PCDHGB3: variants seen among roughly 807,000 people sequenced by gnomAD.
The protein encoded by PCDHGB3 is protocadherin gamma-B3.
A neutral mutation model predicts 59.2 loss-of-function variants in PCDHGB3; 40 were observed. The ratio of observed to expected loss-of-function variants is 0.68; its 90% CI spans 0.52 to 0.88. PCDHGB3 has a LOEUF of 0.88. PCDHGB3 is among the 40% of genes least tolerant of loss of function. PCDHGB3 has a pLI of 0.00. For missense variants in PCDHGB3, 1,309 were observed against 1,187.9 expected (o/e 1.10, Z -1.50); for synonymous variants, 581 against 503.6 (o/e 1.15, Z -2.06).
Position 141,512,089 on chromosome 5 carries a change from T to C in PCDHGB3, c.*916T>C, listed in dbSNP as rs1292597067. 6.6e-6 allele frequency: 1 copy of C among 152,606 alleles called. No individual in the cohort carries two copies. Among genetic ancestry groups the C allele is most frequent in the Non-Finnish European group, 1.5e-5 (1 of 68,068 alleles). 9.5% of individuals were successfully genotyped at this position (152,606 alleles called of 1,614,324 possible). A position where few individuals can be genotyped will look rare whatever the true frequency, so the allele number is the denominator to read the frequency against. ...CCTCCAGATTCCAGCCATAAACCAA[T>C]AACTAGGCTGGACCCTTCCCACTAC... On this transcript the variant is annotated 3_prime_UTR_variant, in exon 4 of 4. Coordinates refer to ENST00000576222, the MANE Select transcript of PCDHGB3 (RefSeq NM_018924.5).
At chr5:141,376,418 C>T (rs1354597104) in intron 1 of PCDHGB3, 1 of 1,614,112 alleles carries the variant, frequency 6.2e-7, no homozygotes, top group Admixed American at 1.7e-5. Flanking sequence ...TGCCGACACG[C>T]TTATCAACCA....
chr5:141,456,157 A>G (rs1307977690), intron 1 of PCDHGB3, among the ~76,000 whole-genome samples: 3 of 152,052 alleles, frequency 2.0e-5, no homozygotes, highest in Admixed American at 1.3e-4. Context: ...TCGGCCTCCT[A>G]AAGTGCTGGG....
chr5:141,478,418 C>T, intron 1 of PCDHGB3: 1 of 1,613,650 alleles, frequency 6.2e-7, no homozygotes, highest in Non-Finnish European at 8.5e-7. Context: ...GGACTCCCGC[C>T]GCAGCGACCC....
chr5:141,385,482 A>G, intron 1 of PCDHGB3: 3 of 1,423,440 alleles, frequency 2.1e-6, no homozygotes, highest in South Asian at 1.6e-5. Context: ...TTTAATATAG[A>G]ACACATAGGA....
chr5:141,420,156 A>T lies in PCDHGB3; in HGVS notation c.2415+47347A>T, dbSNP rs1406451882. ...GGGGATCAAATGAATCCAGAATTTA[A>T]TTTTTTCACATCTGTTGATCATTGT... On this transcript the variant is annotated intron_variant, in intron 1 of 3. Coordinates refer to ENST00000576222, the MANE Select transcript of PCDHGB3 (RefSeq NM_018924.5). The T allele has an allele frequency of 1.4e-5, 22 of 1,613,872 alleles. No individual in the cohort carries two copies. Among genetic ancestry groups the T allele is most frequent in the Middle Eastern group, 3.3e-4 (2 of 6,084 alleles).
chr5:141,376,217 CT>C (rs1370033371), intron 1 of PCDHGB3: 2 of 1,614,210 alleles, frequency 1.2e-6, no homozygotes, highest in East Asian at 4.5e-5. Flanking sequence ...CATCGTGCTG[CT>C]GGCGCTCAGA....
At chr5:141,414,161 GA>G (rs1351073953) in intron 1 of PCDHGB3, 1 of 1,603,276 alleles carries the variant, frequency 6.2e-7, no homozygotes, top group Admixed American at 1.7e-5. Context: ...GAAGATGGAG[GA>G]GCATATCTTG....
intron 1 of PCDHGB3, among the ~76,000 whole-genome samples, chr5:141,444,466 C>T (rs539222916): frequency 7.9e-5 from 12 of 152,100 alleles, no homozygotes; most frequent in East Asian, 1.9e-4. Context: ...TCACTGCGCC[C>T]GGTCGCGTAC....
At position 141,477,795 on chromosome 5, in the gene PCDHGB3, G is replaced by T. The variant is rs778851755; in HGVS notation, c.2416-17012G>T. The T allele has an allele frequency of 1.2e-5, 19 of 1,613,946 alleles. 1 individual carries two copies. In the South Asian group the frequency reaches 1.6e-4, roughly 14 times the overall value. On this transcript the variant is annotated intron_variant, in intron 1 of 3. Transcript: ENST00000576222. The surrounding 1 kb of genome is among the most constrained non-coding windows in gnomAD (Gnocchi z 4.9). ...AGCGTGAACATATTTGTCACTGATC[G>T]CAATGACAATGCCCCCCAGGTCCTA...
chr5:141,372,515 G>A lies in PCDHGB3; in HGVS notation c.2121G>A (p.Val707=), dbSNP rs1768826871. ...ALISVLFLLA[V]ILAISLRLRC... The stretch of plus-strand genomic sequence containing the variant: ...TCTCAGTGCTCTTCCTCCTCGCGGT[G>A]ATTCTGGCAATCTCCCTGCGCCTGC... The change falls in exon 1 of 4, where the codon GTG becomes GTA. Residue 707 remains valine (V), a synonymous_variant. Transcript: ENST00000576222. The A allele has an allele frequency of 1.2e-6, 2 of 1,614,050 alleles. No individual in the cohort carries two copies. The highest frequency in any genetic ancestry group is 1.7e-5 in the Admixed American group (1 of 60,034).
chr5:141,390,111 G>C (rs2092051894), intron 1 of PCDHGB3: 5 of 1,614,054 alleles, frequency 3.1e-6, no homozygotes, highest in Non-Finnish European at 4.2e-6. Flanking sequence ...CAACTACAGC[G>C]AGGGGACTTT....
In PCDHGB3 at chr5:141,491,357, T is replaced by C; in HGVS notation, c.2416-3450T>C. 6.2e-7 allele frequency: 1 copy of C among 1,614,144 alleles called. No homozygotes were observed. Among genetic ancestry groups the C allele is most frequent in the South Asian group, 1.1e-5 (1 of 91,080 alleles). On this transcript the variant is annotated intron_variant, in intron 1 of 3. Transcript: ENST00000576222. This position sits in a 1 kb window ranked among gnomAD's most constrained non-coding sequence, Gnocchi z 6.9. ...CTAGCGACCGTCAGTCTCTTATCCCTAGTCACCTTCACCTTTCTGTCAGCG... is the reference window on the plus strand; with the variant it reads ...CTAGCGACCGTCAGTCTCTTATCCCCAGTCACCTTCACCTTTCTGTCAGCG...
intron 1 of PCDHGB3, chr5:141,374,640 C>G: frequency 6.2e-7 from 1 of 1,612,778 alleles, no homozygotes; most frequent in African/African-American, 1.3e-5. Flanking sequence ...CAAAGCGAAG[C>G]CCATGGGCCC....
intron 1 of PCDHGB3, chr5:141,387,617 T>C (rs1169967462): frequency 3.5e-6 from 2 of 570,390 alleles, no homozygotes; most frequent in African/African-American, 3.8e-5. Context: ...AGTTTCCTAG[T>C]GCTGACTCTG....
At chr5:141,505,306 T>C in intron 2 of PCDHGB3, 87 bp from the exon 3 acceptor site, 4 of 1,596,550 alleles carry the variant, frequency 2.5e-6, no homozygotes, top group Non-Finnish European at 3.4e-6. Context: ...GTTAGGGTAC[T>C]AGGTTTGGGA....
At chr5:141,501,569 G>A (rs1401631416) in intron 2 of PCDHGB3, among the ~76,000 whole-genome samples, 3 of 151,998 alleles carry the variant, frequency 2.0e-5, no homozygotes, top group African/African-American at 7.2e-5. Flanking sequence ...AATCATATTA[G>A]GCTGGCTTTC....
At chr5:141,407,534 A>T (rs72790039) in intron 1 of PCDHGB3, among the ~76,000 whole-genome samples, 1 of 149,478 alleles carries the variant, frequency 6.7e-6, no homozygotes, top group Non-Finnish European at 1.5e-5. Flanking sequence ...CTTATTGTGC[A>T]TTGGTAACAG....
chr5:141,399,330 A>T, intron 1 of PCDHGB3: 1 of 1,613,994 alleles, frequency 6.2e-7, no homozygotes, highest in Non-Finnish European at 8.5e-7. Flanking sequence ...ATAAGTTGGT[A>T]ACAGATGGAA....
intron 1 of PCDHGB3, chr5:141,383,716 G>A (rs1012308132): frequency 6.2e-7 from 1 of 1,614,012 alleles, no homozygotes; most frequent in Non-Finnish European, 8.5e-7. Context: ...GGACGAGGGA[G>A]TCAATGGGGA....
Sources: gnomAD v4.1 joint callset for allele counts (sites outside exome capture counted in the v4.1 genomes callset) on GRCh38, gnomAD v4.1.1 for gene constraint, Gnocchi (gnomAD v3.1) non-coding constraint, MANE v1.5 for transcripts, NCBI Gene and HGNC (gene_info 2026-07-23, HGNC 2026-07-21) for gene names.